The following ASNS variants were observed in gnomAD, a reference collection of about 807,000 sequenced individuals.
ASNS encodes asparagine synthetase (glutamine-hydrolyzing).
In ASNS, 37 loss-of-function variants were observed where a neutral mutation model predicts 62.6. The observed-to-expected ratio is 0.59, with a 90% confidence interval of 0.45 to 0.78. ASNS has a LOEUF of 0.78. Among genes scored for constraint, ASNS ranks in the 30% least tolerant of loss-of-function variants. The pLI, the probability that ASNS is intolerant of heterozygous loss-of-function variation, is 0.00. For synonymous variants in ASNS, 207 were observed against 237.9 expected (o/e 0.87, Z 1.19); for missense variants, 520 against 682.4 (o/e 0.76, Z 2.65).
chr7:97,856,833 A>C lies in ASNS; in HGVS notation c.904-17T>G. 1 of 1,583,708 alleles carries C rather than the reference A, an allele frequency of 6.3e-7. No homozygotes were observed. The highest frequency in any genetic ancestry group is 8.6e-7 in the Non-Finnish European group (1 of 1,163,514). Reference sequence around the variant, plus strand: ...ATCTGCCACCTTATTATATAAAGAAATACCCATTTACTTGTTAAAGAAAAT... The same window carrying C: ...ATCTGCCACCTTATTATATAAAGAACTACCCATTTACTTGTTAAAGAAAAT... On this transcript the variant is annotated splice_polypyrimidine_tract_variant and intron_variant, in intron 7 of 12. Transcript: ENST00000394308.
At chr7:97,861,170 C>T (rs10261245) in intron 4 of ASNS, among the ~76,000 whole-genome samples, 46,305 of 151,688 alleles carry the variant, frequency 0.31, 7,251 homozygotes, top group East Asian at 0.46. Context: ...TACAGGCGCC[C>T]GCCACCACGC....
chr7:97,891,825 C>G, the ASNS span, among the ~76,000 whole-genome samples: 2 of 152,212 alleles, frequency 1.3e-5, no homozygotes, highest in African/African-American at 4.8e-5. Context: ...CCTCCTGGCT[C>G]CTTTCACGGG....
At chr7:97,890,407 G>T in the ASNS span, among the ~76,000 whole-genome samples, 1 of 152,114 alleles carries the variant, frequency 6.6e-6, no homozygotes, top group African/African-American at 2.4e-5. Context: ...AAGACAAAGA[G>T]AAAATGCTAA....
chr7:97,919,219 G>T, the ASNS span, among the ~76,000 whole-genome samples: 1 of 152,046 alleles, frequency 6.6e-6, no homozygotes, highest in East Asian at 1.9e-4. Flanking sequence ...GGGTTCCAGT[G>T]ATTCTCTTGC....
chr7:97,857,719 G>A (rs59347964), intron 7 of ASNS, among the ~76,000 whole-genome samples: 1 of 150,684 alleles, frequency 6.6e-6, no homozygotes, highest in Non-Finnish European at 1.5e-5. Context: ...CCTGAGCTCA[G>A]ACCTCCCCCC....
rs772358587 is a variant in ASNS at position 97,858,266 on chromosome 7, A to AC, written c.903+11dup. 4.3e-6 allele frequency: 7 copies of AC among 1,612,258 alleles called. No individual in the cohort carries two copies. Among genetic ancestry groups the AC allele is most frequent in the Non-Finnish European group, 5.9e-6 (7 of 1,179,864 alleles). Reference sequence around the variant, plus strand: ...TAACTACACTACACAAGGGACAGAGACAGCACCTTACCTTTCTAGCAGCCA... The same window carrying AC: ...TAACTACACTACACAAGGGACAGAGACCAGCACCTTACCTTTCTAGCAGCCA... On this transcript the variant is annotated intron_variant, in intron 7 of 12. Coordinates refer to ENST00000394308, the MANE Select transcript of ASNS (RefSeq NM_001673.5).
chr7:97,902,945 A>G, the ASNS span, among the ~76,000 whole-genome samples: 1 of 152,144 alleles, frequency 6.6e-6, no homozygotes, highest in East Asian at 1.9e-4. Context: ...ACATTAGGCA[A>G]TATCTGGAGA....
the ASNS span, chr7:97,908,721 T>A: frequency 1.3e-5 from 2 of 152,352 alleles, no homozygotes; most frequent in East Asian, 3.9e-4. Context: ...TTAAATTTTT[T>A]AAAACACAAC....
chr7:97,861,004 A>G (rs1484711763), intron 4 of ASNS, among the ~76,000 whole-genome samples: 1 of 149,800 alleles, frequency 6.7e-6, no homozygotes. Context: ...GGATTAGTTC[A>G]AAACTGATTC....
At chr7:97,860,604 C>A (rs1273808504) in intron 4 of ASNS, among the ~76,000 whole-genome samples, 23 of 152,190 alleles carry the variant, frequency 1.5e-4, no homozygotes, top group Non-Finnish European at 2.9e-5. Context: ...TTTGATTGAT[C>A]TCATTATCCC....
chr7:97,921,312 G>C, the ASNS span, among the ~76,000 whole-genome samples: 1 of 152,142 alleles, frequency 6.6e-6, no homozygotes, highest in African/African-American at 2.4e-5. Flanking sequence ...CCCTTTTCTT[G>C]AGAGCCAGAT....
the ASNS span, among the ~76,000 whole-genome samples, chr7:97,883,987 C>CAAAAAAA: frequency 1.6e-3 from 166 of 104,354 alleles, 1 homozygote; most frequent in African/African-American, 6.0e-3. Context: ...GACTCCATCT[C>CAAAAAAA]AAAAAAAAAA....
intron 3 of ASNS, among the ~76,000 whole-genome samples, chr7:97,867,695 T>G (rs1238741665): frequency 1.3e-5 from 2 of 152,208 alleles, no homozygotes; most frequent in African/African-American, 4.8e-5. Flanking sequence ...CATTCTTGCC[T>G]TTCCTTTTCA....
At chr7:97,896,048 T>A in the ASNS span, among the ~76,000 whole-genome samples, 1 of 150,480 alleles carries the variant, frequency 6.6e-6, no homozygotes, top group Non-Finnish European at 1.5e-5. Flanking sequence ...TAAAATAAAT[T>A]GAGAAGGACA....
chr7:97,869,609 C>G (rs1045252612), intron 2 of ASNS, among the ~76,000 whole-genome samples, 169 bp downstream of exon 2: 8 of 152,216 alleles, frequency 5.3e-5, no homozygotes, highest in African/African-American at 1.9e-4. Context: ...ATCCAACAGA[C>G]TTTCCAGATT....
the ASNS span, among the ~76,000 whole-genome samples, chr7:97,888,982 C>T: frequency 5.8e-3 from 880 of 152,294 alleles, 6 homozygotes; most frequent in Non-Finnish European, 9.8e-3. Context: ...GCCACGCACA[C>T]CACCCAGGAG....
At chr7:97,893,057 T>G in the ASNS span, among the ~76,000 whole-genome samples, 1 of 152,268 alleles carries the variant, frequency 6.6e-6, no homozygotes, top group Non-Finnish European at 1.5e-5. Context: ...GGACTTACAG[T>G]TCTACATTGC....
the ASNS span, among the ~76,000 whole-genome samples, chr7:97,921,178 G>A: frequency 6.6e-6 from 1 of 152,332 alleles, no homozygotes; most frequent in Non-Finnish European, 1.5e-5. Context: ...CTCACCTGCT[G>A]CAACCCTAGC....
chr7:97,885,289 T>G, the ASNS span, among the ~76,000 whole-genome samples: 6 of 152,270 alleles, frequency 3.9e-5, no homozygotes. Context: ...TCTCCACTCA[T>G]CAGTAGACAA....
Sources: gnomAD v4.1 joint callset for allele counts (sites outside exome capture counted in the v4.1 genomes callset) on GRCh38, gnomAD v4.1.1 for gene constraint, MANE v1.5 for transcripts, NCBI Gene and HGNC (gene_info 2026-07-23, HGNC 2026-07-21) for gene names.